Variants in ADCY5 observed in about 807,000 individuals in gnomAD.
The protein encoded by ADCY5 is adenylate cyclase 5, also known as adenylate cyclase type 5.
Under a neutral mutation model 119.7 loss-of-function variants are expected in ADCY5, and 30 were observed. That is an observed-to-expected ratio of 0.25 (90% CI 0.19 to 0.34). ADCY5 has a LOEUF of 0.34. ADCY5 is among the 10% of genes least tolerant of loss of function. The pLI, the probability that ADCY5 is intolerant of heterozygous loss-of-function variation, is 1.00. For missense variants in ADCY5, 1,324 were observed against 1,775.2 expected (o/e 0.75, Z 4.57); for synonymous variants, 753 against 762.2 (o/e 0.99, Z 0.20).
Position 123,303,956 on chromosome 3 carries a change from A to G in ADCY5, c.2559+111T>C, listed in dbSNP as rs529089631. 8.5e-4 allele frequency: 653 copies of G among 770,432 alleles called. 3 individuals are homozygous for G. The African/African-American group carries it at 9.1e-3, about 11-fold the overall frequency. The allele number at this position is 770,432 out of a possible 1,614,324, so 47.7% of individuals were successfully genotyped here. A position where few individuals can be genotyped will look rare whatever the true frequency, so the allele number is the denominator to read the frequency against. On this transcript the variant is annotated intron_variant, in intron 13 of 20. Coordinates refer to ENST00000462833, the MANE Select transcript of ADCY5 (RefSeq NM_183357.3). ...GATCCCAGACCCAGGTGCGAAACAA[A>G]TAAGAACTTCCAGGGAAAGTCTCTC...
chr3:123,297,112 C>T (rs1481775599), intron 16 of ADCY5: 1 of 1,466,280 alleles, frequency 6.8e-7, no homozygotes. Context: ...TGATCTGAAG[C>T]CGGTGATCCC....
intron 1 of ADCY5, among the ~76,000 whole-genome samples, chr3:123,392,791 C>T (rs1346058911): frequency 2.0e-5 from 3 of 152,136 alleles, no homozygotes; most frequent in Non-Finnish European, 4.4e-5. Context: ...GCACGCTATA[C>T]CTCCAGGCCT....
intron 1 of ADCY5, among the ~76,000 whole-genome samples, chr3:123,393,173 G>A (rs750683426): frequency 8.5e-5 from 13 of 152,156 alleles, no homozygotes; most frequent in Admixed American, 2.0e-4. Context: ...GAGTGAGGCA[G>A]GCCTTGGTTC....
chr3:123,418,146 A>T (rs1945225474), intron 1 of ADCY5, among the ~76,000 whole-genome samples: 1 of 152,204 alleles, frequency 6.6e-6, no homozygotes, highest in Non-Finnish European at 1.5e-5. Flanking sequence ...GCACATGTTC[A>T]CTAACAGATC....
chr3:123,328,020 G>T (rs1291354342), intron 6 of ADCY5, among the ~76,000 whole-genome samples: 1 of 152,150 alleles, frequency 6.6e-6, no homozygotes, highest in Non-Finnish European at 1.5e-5. Context: ...AGACAACATG[G>T]CCTCCAGTCT....
intron 13 of ADCY5, 149 bp downstream of exon 13, chr3:123,303,918 T>C (rs1940038030): frequency 3.7e-6 from 2 of 539,820 alleles, no homozygotes; most frequent in Non-Finnish European, 6.9e-6. Context: ...GTGAGGCACA[T>C]TGAGCCAAAG....
intron 1 of ADCY5, among the ~76,000 whole-genome samples, chr3:123,414,851 C>T (rs1945148016): frequency 1.3e-5 from 2 of 152,208 alleles, no homozygotes. Flanking sequence ...AGCCACCCTG[C>T]CCGGCCCTGA....
intron 17 of ADCY5, among the ~76,000 whole-genome samples, chr3:123,292,659 T>A (rs1360315631): frequency 6.6e-6 from 1 of 152,050 alleles, no homozygotes; most frequent in Non-Finnish European, 1.5e-5. Flanking sequence ...TCCCTCGCCA[T>A]GAATAAGGCT....
At chr3:123,356,171 T>C (rs1943030752) in intron 1 of ADCY5, among the ~76,000 whole-genome samples, 1 of 152,072 alleles carries the variant, frequency 6.6e-6, no homozygotes, top group South Asian at 2.1e-4. Context: ...GAGACCCAAA[T>C]ATGAGAACTA....
intron 1 of ADCY5, among the ~76,000 whole-genome samples, chr3:123,415,345 C>G (rs1945161264): frequency 6.6e-6 from 1 of 152,182 alleles, no homozygotes; most frequent in Non-Finnish European, 1.5e-5. Context: ...TACACTAGTA[C>G]CACCTCCACG....
chr3:123,377,161 T>A (rs958414234), intron 1 of ADCY5, among the ~76,000 whole-genome samples: 2 of 152,164 alleles, frequency 1.3e-5, no homozygotes, highest in African/African-American at 4.8e-5. Flanking sequence ...TCGGATCATG[T>A]AAACTGCACT....
chr3:123,330,875 G>T lies in ADCY5; in HGVS notation c.1646+14C>A. On this transcript the variant is annotated intron_variant, in intron 5 of 20. Transcript: ENST00000462833. ...CCCAGGGAGGGAGACGGTACCCGGG[G>T]GGTGGACACTTACGAGATGGCCTCG... The T allele has an allele frequency of 6.2e-7, 1 of 1,604,580 alleles. No individual in the cohort carries two copies. The highest frequency in any genetic ancestry group is 8.5e-7 in the Non-Finnish European group (1 of 1,175,276).
At chr3:123,291,564 A>G (rs758709359) in intron 17 of ADCY5, among the ~76,000 whole-genome samples, 188 bp from the exon 18 acceptor site, 15 of 152,110 alleles carry the variant, frequency 9.9e-5, no homozygotes, top group South Asian at 2.1e-4. Context: ...GGTTTTCTCC[A>G]AAGAGCAGGA....
chr3:123,329,270 G>A (rs1941647062), intron 5 of ADCY5, among the ~76,000 whole-genome samples: 1 of 152,174 alleles, frequency 6.6e-6, no homozygotes, highest in South Asian at 2.1e-4. Flanking sequence ...CTTCCAAGAT[G>A]TTAGCAGGGT....
chr3:123,444,716 G>C (rs1945783613), intron 1 of ADCY5, among the ~76,000 whole-genome samples: 1 of 152,186 alleles, frequency 6.6e-6, no homozygotes, highest in Non-Finnish European at 1.5e-5. Flanking sequence ...CTGAGTAAAG[G>C]GGGAGAGGTC....
chr3:123,328,875 G>A lies in ADCY5; in HGVS notation c.1647-73C>T, dbSNP rs534807605. On this transcript the variant is annotated intron_variant, in intron 5 of 20. Coordinates refer to ENST00000462833, the MANE Select transcript of ADCY5 (RefSeq NM_183357.3). ...ACACAGAATGGGGGTGAGGCTGCAG[G>A]TGCAGGGAAGGTGAAGGTGCGGGGG... 32 of 1,479,466 alleles carry A rather than the reference G, an allele frequency of 2.2e-5. No individual in the cohort carries two copies. The East Asian group carries it at 7.3e-4, about 34-fold the overall frequency. The allele number at this position is 1,479,466 out of a possible 1,614,324, so 91.6% of individuals were successfully genotyped here.
intron 1 of ADCY5, among the ~76,000 whole-genome samples, chr3:123,425,484 G>A (rs540988519): frequency 3.3e-4 from 51 of 152,326 alleles, no homozygotes. Context: ...CACTGCATGT[G>A]TGCATGTCTT....
At chr3:123,396,716 G>T (rs1296355282) in intron 1 of ADCY5, among the ~76,000 whole-genome samples, 2 of 138,068 alleles carry the variant, frequency 1.4e-5, no homozygotes, top group African/African-American at 5.6e-5. Flanking sequence ...GGGAGGGAGA[G>T]AGAAGGGAGG....
At chr3:123,393,651 A>AAAGTGC in intron 1 of ADCY5, among the ~76,000 whole-genome samples, 1 of 152,246 alleles carries the variant, frequency 6.6e-6, no homozygotes, top group East Asian at 1.9e-4. Flanking sequence ...TAACATGTGC[A>AAAGTGC]AAGTGCCCAT....
Sources: gnomAD v4.1 joint callset for allele counts (sites outside exome capture counted in the v4.1 genomes callset) on GRCh38, gnomAD v4.1.1 for gene constraint, MANE v1.5 for transcripts, NCBI Gene and HGNC (gene_info 2026-07-23, HGNC 2026-07-21) for gene names.